TRHDE: variants seen among roughly 807,000 people sequenced by gnomAD.
The protein encoded by TRHDE is thyrotropin releasing hormone degrading enzyme.
Under a neutral mutation model 125.7 loss-of-function variants are expected in TRHDE, and 72 were observed. The ratio of observed to expected loss-of-function variants is 0.57; its 90% CI spans 0.47 to 0.70. TRHDE has a LOEUF of 0.70. Ranked by LOEUF, TRHDE falls within the 30% of genes least tolerant of loss-of-function variation. The probability of loss-of-function intolerance (pLI) is 0.00; values close to 1 mark genes in which losing one functional copy is unlikely to be tolerated. For synonymous variants in TRHDE, 509 were observed against 509.1 expected, an observed-to-expected ratio of 1.00 and a Z score of 0.00; for missense variants, 1,110 against 1,327.1, an observed-to-expected ratio of 0.84 and a Z score of 2.54.
intron 7 of TRHDE, among the ~76,000 whole-genome samples, chr12:72,556,891 C>A (rs1869950713): frequency 6.6e-6 from 1 of 152,194 alleles, no homozygotes; most frequent in Non-Finnish European, 1.5e-5. Flanking sequence ...AACTATAGGA[C>A]ATCCTACTTC....
In TRHDE at chr12:72,548,160, C is replaced by G. The variant is rs1029311307; in HGVS notation, c.1788+5804C>G. Among the ~76,000 whole-genome samples the G allele has an allele frequency of 2.0e-5, 3 of 151,696 alleles. No homozygotes were observed. In the East Asian group the frequency reaches 5.8e-4, roughly 29 times the overall value. ...CTTCCTCTTGGACAGACTTTAGGACCCAGTGTTGTTGAATTTCCCTTTCTG... is the reference window on the plus strand; with the variant it reads ...CTTCCTCTTGGACAGACTTTAGGACGCAGTGTTGTTGAATTTCCCTTTCTG... On this transcript the variant is annotated intron_variant, in intron 7 of 18. Coordinates refer to ENST00000261180, the MANE Select transcript of TRHDE (RefSeq NM_013381.3).
At chr12:72,260,585 T>C (rs1878927996) in intron 2 of TRHDE, among the ~76,000 whole-genome samples, 1 of 152,114 alleles carries the variant, frequency 6.6e-6, no homozygotes, top group East Asian at 1.9e-4. Context: ...CAAGAGTTTA[T>C]TGAGACTCTA....
intron 12 of TRHDE, among the ~76,000 whole-genome samples, chr12:72,581,326 T>A (rs1871216208): frequency 6.6e-6 from 1 of 152,250 alleles, no homozygotes. Context: ...TTTTTAAAGT[T>A]ATAAATGTGC....
intron 12 of TRHDE, among the ~76,000 whole-genome samples, chr12:72,595,617 G>T (rs1871906207): frequency 6.6e-6 from 1 of 152,028 alleles, no homozygotes; most frequent in African/African-American, 2.4e-5. Context: ...ATTAAAATGT[G>T]CAGTGGTTAA....
intron 2 of TRHDE, among the ~76,000 whole-genome samples, chr12:72,178,259 C>A (rs1055491807): frequency 4.6e-5 from 7 of 151,850 alleles, no homozygotes; most frequent in Admixed American, 3.3e-4. Context: ...ATAATCAGGT[C>A]CAGATATTGA....
chr12:72,332,741 G>A (rs1356604995), intron 2 of TRHDE, among the ~76,000 whole-genome samples: 2 of 152,204 alleles, frequency 1.3e-5, no homozygotes, highest in African/African-American at 4.8e-5. Context: ...TAAGGACAGA[G>A]ACACTGCTCT....
At chr12:72,613,780 G>C (rs1872711931) in intron 12 of TRHDE, among the ~76,000 whole-genome samples, 1 of 152,012 alleles carries the variant, frequency 6.6e-6, no homozygotes, top group Admixed American at 6.6e-5. Context: ...AAGGAGGAGG[G>C]GCTGTCTGAG....
chr12:72,123,768 C>T (rs951128506), intron 2 of TRHDE, among the ~76,000 whole-genome samples: 9 of 151,922 alleles, frequency 5.9e-5, no homozygotes, highest in South Asian at 2.1e-4. Context: ...ATGAAACTGC[C>T]GTCACAATCA....
rs1872327048 is a variant in TRHDE, at chr12:72,604,063, A to G, written c.2322-14828A>G. 3.9e-5 allele frequency among the ~76,000 whole-genome samples: 6 copies of G among 152,176 alleles called. 1 individual carries two copies. The South Asian group carries it at 1.2e-3, about 32-fold the overall frequency. ...GAATCAAAGATAAAAAAAAAGAACAATGAAAGTTACAAAATAGAAGGTAAA... is the reference window on the plus strand; with the variant it reads ...GAATCAAAGATAAAAAAAAAGAACAGTGAAAGTTACAAAATAGAAGGTAAA... On this transcript the variant is annotated intron_variant, in intron 12 of 18. Coordinates refer to ENST00000261180, the MANE Select transcript of TRHDE (RefSeq NM_013381.3).
chr12:72,377,339 A>G (rs1375374853), intron 2 of TRHDE, among the ~76,000 whole-genome samples: 1 of 150,604 alleles, frequency 6.6e-6, no homozygotes, highest in Non-Finnish European at 1.5e-5. Context: ...TAGATAATAT[A>G]CAATGCTTGC....
At chr12:72,163,026 A>C (rs1876669642) in intron 2 of TRHDE, 2 of 152,142 alleles carry the variant, frequency 1.3e-5, no homozygotes, top group African/African-American at 4.8e-5. Flanking sequence ...TTCTCGAAAA[A>C]GCTGTCATCT....
intron 12 of TRHDE, among the ~76,000 whole-genome samples, chr12:72,593,835 G>C (rs556785508): frequency 6.6e-6 from 1 of 152,320 alleles, no homozygotes; most frequent in South Asian, 2.1e-4. Context: ...TCCCTGCAAA[G>C]GACATGAACT....
intron 2 of TRHDE, among the ~76,000 whole-genome samples, chr12:72,135,954 C>T (rs1875976217): frequency 6.6e-6 from 1 of 152,042 alleles, no homozygotes; most frequent in South Asian, 2.1e-4. Flanking sequence ...GACATCTGCT[C>T]TTCTACTTTT....
In TRHDE at chr12:72,097,440, A is replaced by ATTTTTTTTTTTTTTTTTT. The variant is rs869290442; in HGVS notation, n.175-8198_175-8181dup. 3.2e-4 allele frequency among the ~76,000 whole-genome samples: 7 copies of ATTTTTTTTTTTTTTTTTT among 21,636 alleles called. 1 individual carries two copies. The highest frequency in any genetic ancestry group is 5.9e-4 in the Admixed American group (1 of 1,688). The allele number at this position is 21,636 out of a possible 152,430, so 14.2% of individuals were successfully genotyped here. ...CCTTGCAGTAGCATTTTCTCACTGA[A>ATTTTTTTTTTTTTTTTTT]TTTTTTTTTTTTTTTTTTTTTTTTT... On this transcript the variant is annotated intron_variant and non_coding_transcript_variant, in intron 1 of 4. Coordinates refer to the TRHDE transcript ENST00000548156.
chr12:72,446,452 A>G (rs1027568699), intron 3 of TRHDE, among the ~76,000 whole-genome samples: 1 of 152,108 alleles, frequency 6.6e-6, no homozygotes, highest in Admixed American at 6.6e-5. Context: ...TGCATCAACT[A>G]GTGAGCAAAA....
chr12:72,581,237 A>G (rs779352012), intron 12 of TRHDE, among the ~76,000 whole-genome samples: 1 of 152,248 alleles, frequency 6.6e-6, no homozygotes, highest in Non-Finnish European at 1.5e-5. Flanking sequence ...GATAGAAACT[A>G]AATATTTAAA....
At chr12:72,432,548 C>A (rs1166092106) in intron 3 of TRHDE, among the ~76,000 whole-genome samples, 2 of 152,144 alleles carry the variant, frequency 1.3e-5, no homozygotes, top group South Asian at 2.1e-4. Context: ...GTCTGCAGAA[C>A]CTTCCGGCCT....
intron 2 of TRHDE, among the ~76,000 whole-genome samples, chr12:72,136,150 G>T (rs1325260860): frequency 6.6e-6 from 1 of 152,148 alleles, no homozygotes; most frequent in Non-Finnish European, 1.5e-5. Flanking sequence ...TATTTTCAGT[G>T]CAGAATATAA....
chr12:72,244,451 T>G (rs1015133578), intron 2 of TRHDE, among the ~76,000 whole-genome samples: 3 of 152,112 alleles, frequency 2.0e-5, no homozygotes, highest in African/African-American at 4.8e-5. Flanking sequence ...ATAATCATCA[T>G]CCATGGCTAC....
Sources: gnomAD v4.1 joint callset for allele counts (sites outside exome capture counted in the v4.1 genomes callset) on GRCh38, gnomAD v4.1.1 for gene constraint, MANE v1.5 for transcripts, NCBI Gene and HGNC (gene_info 2026-07-23, HGNC 2026-07-21) for gene names.